The following SYCP2L variants were observed in gnomAD, a reference collection of about 807,000 sequenced individuals.
SYCP2L encodes the protein synaptonemal complex protein 2-like.
A neutral mutation model predicts 125.8 loss-of-function variants in SYCP2L; 98 were observed. The ratio of observed to expected loss-of-function variants is 0.78; its 90% CI spans 0.66 to 0.92. The LOEUF (loss-of-function observed/expected upper bound fraction) is 0.92. SYCP2L is among the 40% of genes least tolerant of loss of function. The pLI, the probability that SYCP2L is intolerant of heterozygous loss-of-function variation, is 0.00. For missense variants in SYCP2L, 842 were observed against 936.4 expected, an observed-to-expected ratio of 0.90 and a Z score of 1.32; for synonymous variants, 317 against 325.4, an observed-to-expected ratio of 0.97 and a Z score of 0.28.
chr6:10,952,074 A>G (rs761375421), intron 23 of SYCP2L, among the ~76,000 whole-genome samples: 2 of 152,216 alleles, frequency 1.3e-5, no homozygotes, highest in African/African-American at 2.4e-5. Flanking sequence ...TTTTAAGATG[A>G]CTTGACTGCG....
rs1422639883 is a variant in SYCP2L at position 10,912,610 on chromosome 6, GT to G, written c.919-60del. On this transcript the variant is annotated intron_variant, in intron 12 of 29. Coordinates refer to ENST00000283141, the MANE Select transcript of SYCP2L (RefSeq NM_001040274.3). The surrounding 1 kb of genome is among the most constrained non-coding windows in gnomAD (Gnocchi z 4.1). ...CAAATTCTATTTTCAAGGGAATAAT[GT>G]TTATCTGACCCTATAGCATGATTTT... is the stretch of plus-strand genomic sequence containing the variant. 1 of 1,211,184 alleles carries G rather than the reference GT, an allele frequency of 8.3e-7. No homozygotes were observed. The highest frequency in any genetic ancestry group is 1.5e-5 in the African/African-American group (1 of 66,510). 75.0% of individuals were successfully genotyped at this position (1,211,184 alleles called of 1,614,324 possible).
intron 15 of SYCP2L, 109 bp from the exon 16 acceptor site, chr6:10,926,230 T>G (rs1423280737): frequency 2.5e-6 from 2 of 803,876 alleles, no homozygotes; most frequent in African/African-American, 3.5e-5. Flanking sequence ...TAAACTTGAC[T>G]AACTTCTGAT....
chr6:10,963,911 A>G, intron 29 of SYCP2L, 68 bp downstream of exon 29: 2 of 1,203,394 alleles, frequency 1.7e-6, no homozygotes, highest in East Asian at 2.4e-5. Context: ...AAGCTCTAAA[A>G]GATACTGTAA....
intron 6 of SYCP2L, among the ~76,000 whole-genome samples, chr6:10,900,787 G>T (rs9379922): frequency 0.024 from 3,679 of 152,064 alleles, 116 homozygotes; most frequent in African/African-American, 0.068. Flanking sequence ...ATGAATTTCG[G>T]GGGGGGACAC....
chr6:10,952,467 G>A (rs537536587), intron 23 of SYCP2L, among the ~76,000 whole-genome samples: 98 of 152,218 alleles, frequency 6.4e-4, no homozygotes, highest in African/African-American at 2.2e-3. Flanking sequence ...TCTCTCTTTG[G>A]TGGATGTAAC....
intron 23 of SYCP2L, among the ~76,000 whole-genome samples, chr6:10,943,363 A>G (rs1401937944): frequency 6.6e-6 from 1 of 152,236 alleles, no homozygotes; most frequent in African/African-American, 2.4e-5. Flanking sequence ...TAGAATATTA[A>G]TGCAACAAAT....
intron 25 of SYCP2L, 72 bp from the exon 26 acceptor site, chr6:10,958,712 A>C (rs1478843769): frequency 2.9e-6 from 4 of 1,375,580 alleles, no homozygotes; most frequent in Admixed American, 2.1e-5. Flanking sequence ...GCATCTTTTT[A>C]ACACAAAGCA....
intron 14 of SYCP2L, among the ~76,000 whole-genome samples, chr6:10,918,177 G>A (rs528670844): frequency 1.4e-5 from 2 of 144,358 alleles, no homozygotes; most frequent in Non-Finnish European, 3.0e-5. Context: ...CAGCCTGGAC[G>A]ACAGAGCGAG....
At position 10,961,338 on chromosome 6, in the gene SYCP2L, T is replaced by A. The variant is rs775315805; in HGVS notation, c.2289T>A (p.Val763=). ...LNKLERFQNL[V]LQELSSLKQD... ...AACTAGAGCGCTTTCAAAATTTGGT[T>A]CTTCAAGAGTTGAGCAGTCTTAAGC... Residue 763 remains valine, a synonymous_variant, in exon 27 of 30, where the codon GTT becomes GTA. Coordinates refer to ENST00000283141, the MANE Select transcript of SYCP2L (RefSeq NM_001040274.3). The A allele has an allele frequency of 6.2e-7, 1 of 1,614,186 alleles. No homozygotes were observed. The highest frequency in any genetic ancestry group is 8.5e-7 in the Non-Finnish European group (1 of 1,180,024).
chr6:10,913,126 G>GT (rs1780637120), intron 14 of SYCP2L, among the ~76,000 whole-genome samples, 199 bp downstream of exon 14: 1 of 152,102 alleles, frequency 6.6e-6, no homozygotes, highest in African/African-American at 2.4e-5. Flanking sequence ...TATTTGTCTA[G>GT]TTTTTTCATT....
rs757809869 is a variant in SYCP2L at position 10,902,870 on chromosome 6, A to C, written c.553-5A>C. 5.0e-6 allele frequency: 8 copies of C among 1,614,016 alleles called. No individual in the cohort carries two copies. The highest frequency in any genetic ancestry group is 6.8e-6 in the Non-Finnish European group (8 of 1,179,964). ...CTCCATGAATGTCTTCTCAATTCCA[A>C]AAAGGGCTTGAAGACTTTTAACTGC... On this transcript the variant is annotated splice_region_variant and splice_polypyrimidine_tract_variant and intron_variant, in intron 7 of 29. Transcript: ENST00000283141.
At chr6:10,907,506 A>G (rs1404373727) in intron 9 of SYCP2L, 36 bp from the exon 10 acceptor site, 1 of 1,574,926 alleles carries the variant, frequency 6.3e-7, no homozygotes, top group East Asian at 2.2e-5. Context: ...CTTTGTGCCC[A>G]GAATTATCTA....
Position 10,899,571 on chromosome 6 carries a change from T to A in SYCP2L, c.466+723T>A, listed in dbSNP as rs556929316. Among the ~76,000 whole-genome samples, 16 of 152,292 alleles carry A rather than the reference T, an allele frequency of 1.1e-4. No individual in the cohort carries two copies. The South Asian group carries it at 3.1e-3, about 30-fold the overall frequency. On this transcript the variant is annotated intron_variant, in intron 6 of 29. Coordinates refer to ENST00000283141, the MANE Select transcript of SYCP2L (RefSeq NM_001040274.3). The stretch of plus-strand genomic sequence containing the variant: ...AAAAAAAAGTAATTTGACATTTGAA[T>A]TATGATACCATGGATTCAAAGATGC...
intron 26 of SYCP2L, 80 bp downstream of exon 26, chr6:10,958,955 G>C (rs1180902763): frequency 1.6e-6 from 2 of 1,261,078 alleles, no homozygotes; most frequent in Non-Finnish European, 2.3e-6. Flanking sequence ...ACTGTGCTAG[G>C]GCCCTGAGGA....
chr6:10,973,297 C>T (rs1383775825), intron 29 of SYCP2L, among the ~76,000 whole-genome samples: 1 of 152,156 alleles, frequency 6.6e-6, no homozygotes, highest in Non-Finnish European at 1.5e-5. Context: ...CTTTAGGAAG[C>T]CGAGGTGGGC....
At chr6:10,973,292 G>A (rs982344049) in intron 29 of SYCP2L, among the ~76,000 whole-genome samples, 8 of 152,188 alleles carry the variant, frequency 5.3e-5, no homozygotes, top group Admixed American at 4.6e-4. Context: ...CAGCACTTTA[G>A]GAAGCCGAGG....
intron 4 of SYCP2L, among the ~76,000 whole-genome samples, chr6:10,894,993 C>T (rs113456337): frequency 7.0e-4 from 106 of 152,268 alleles, no homozygotes; most frequent in African/African-American, 2.4e-3. Flanking sequence ...CTCTAAAATG[C>T]GTCTAATTAT....
intron 23 of SYCP2L, among the ~76,000 whole-genome samples, chr6:10,944,776 G>A (rs1283587562): frequency 1.3e-5 from 2 of 151,952 alleles, no homozygotes; most frequent in East Asian, 1.9e-4. Context: ...GTGTAGTGGC[G>A]TGATCTTGGC....
intron 15 of SYCP2L, 73 bp downstream of exon 15, chr6:10,924,714 G>A: frequency 1.6e-6 from 2 of 1,276,568 alleles, no homozygotes; most frequent in Non-Finnish European, 2.0e-6. Context: ...TGTCCTTGTT[G>A]GGTTTTGATG....
Sources: gnomAD v4.1 joint callset for allele counts (sites outside exome capture counted in the v4.1 genomes callset) on GRCh38, gnomAD v4.1.1 for gene constraint, Gnocchi (gnomAD v3.1) non-coding constraint, MANE v1.5 for transcripts, NCBI Gene and HGNC (gene_info 2026-07-23, HGNC 2026-07-21) for gene names.